Variants in FLII observed in about 807,000 individuals in gnomAD.
The protein encoded by FLII is protein flightless-1 homolog.
FLII carries 101 observed loss-of-function variants against 156.2 expected under a neutral mutation model. That is an observed-to-expected ratio of 0.65 (90% CI 0.55 to 0.76). The LOEUF is 0.76. FLII is among the 30% of genes least tolerant of loss of function. The probability of loss-of-function intolerance (pLI) is 0.00; values close to 1 mark genes in which losing one functional copy is unlikely to be tolerated. For missense variants in FLII, 1,675 were observed against 1,682.8 expected (o/e 1.00, Z 0.08); for synonymous variants, 767 against 685.8 (o/e 1.12, Z -1.85).
intron 15 of FLII, 56 bp downstream of exon 15, chr17:18,249,270 C>T: frequency 3.1e-6 from 5 of 1,610,018 alleles, no homozygotes; most frequent in Non-Finnish European, 2.6e-6. Context: ...ACCCTCCCCT[C>T]CACCCCTTGC....
rs139562009 is a variant in FLII at position 18,248,402 on chromosome 17, C to T, written c.2190+148G>A. ...CTCAAAAGCAGCCTCCAGACCTTTG[C>T]TCATACTGTTCCTTGTCCAGAAGGT... On this transcript the variant is annotated intron_variant, in intron 18 of 29. Coordinates refer to ENST00000327031, the MANE Select transcript of FLII (RefSeq NM_002018.4). 824 of 707,566 alleles carry T rather than the reference C, an allele frequency of 1.2e-3. 1 individual carries two copies. The highest frequency in any genetic ancestry group is 9.6e-3 in the African/African-American group (537 of 55,944). The allele number at this position is 707,566 out of a possible 1,614,324, so 43.8% of individuals were successfully genotyped here.
chr17:18,247,178 C>T lies in FLII; in HGVS notation c.2667G>A (p.Ser889=). 6.4e-7 allele frequency: 1 copy of T among 1,565,942 alleles called. No homozygotes were observed. The highest frequency in any genetic ancestry group is 1.9e-5 in the Admixed American group (1 of 53,748). Residue 889 remains serine (S), a synonymous_variant, in exon 21 of 30, where the codon TCG becomes TCA. Coordinates refer to ENST00000327031, the MANE Select transcript of FLII (RefSeq NM_002018.4). The part of the protein sequence containing the change: ...ALFLPRQPPM[S]LAEAEQLMEE... Reference sequence around the variant, plus strand: ...CCGGCCCTGCCCCCACCTCGGCCAGCGACATGGGCGGCTGCCGCGGCAGGA... The same window carrying T: ...CCGGCCCTGCCCCCACCTCGGCCAGTGACATGGGCGGCTGCCGCGGCAGGA...
intron 28 of FLII, 56 bp downstream of exon 28, chr17:18,245,499 G>C: frequency 6.2e-7 from 1 of 1,611,042 alleles, no homozygotes; most frequent in East Asian, 2.2e-5. Flanking sequence ...ATTCCCATTT[G>C]TAAGTAAGTC....
intron 3 of FLII, 27 bp downstream of exon 3, chr17:18,256,499 C>T: frequency 6.5e-7 from 1 of 1,544,196 alleles, no homozygotes; most frequent in East Asian, 2.4e-5. Flanking sequence ...CAACCCCAAG[C>T]TCGGTGGCCT....
rs574832064 is a variant in FLII, at chr17:18,257,589, G to A, written c.64-570C>T. On this transcript the variant is annotated intron_variant, in intron 1 of 29. Transcript: ENST00000327031. ...TGGCACCAAGTCTGGGGCAGTAGGTGCCTTCAGTGCCTGCGGCTGATATTC... is the reference window on the plus strand; with the variant it reads ...TGGCACCAAGTCTGGGGCAGTAGGTACCTTCAGTGCCTGCGGCTGATATTC... Among the ~76,000 whole-genome samples, 6 of 152,360 alleles carry A rather than the reference G, an allele frequency of 3.9e-5. No individual in the cohort carries two copies. The South Asian group carries it at 1.2e-3, about 32-fold the overall frequency.
At chr17:18,248,498 A>G (rs1364807782) in intron 18 of FLII, 52 bp downstream of exon 18, 2 of 1,533,850 alleles carry the variant, frequency 1.3e-6, no homozygotes, top group Non-Finnish European at 1.8e-6. Context: ...CCATTCCCCC[A>G]GTCGGTGGGT....
chr17:18,245,013 A>G lies in FLII; in HGVS notation c.*125T>C. ...ATCCCCATTGGTGCTGCTTGAGGCT[A>G]CTGGGGACTGTGGCACTGGACGTGG... On this transcript the variant is annotated 3_prime_UTR_variant, in exon 30 of 30. Coordinates refer to ENST00000327031, the MANE Select transcript of FLII (RefSeq NM_002018.4). 9.5e-7 allele frequency: 1 copy of G among 1,049,842 alleles called. No individual in the cohort carries two copies. The highest frequency in any genetic ancestry group is 1.4e-6 in the Non-Finnish European group (1 of 714,240). The allele number at this position is 1,049,842 out of a possible 1,614,324, so 65.0% of individuals were successfully genotyped here. A position where few individuals can be genotyped will look rare whatever the true frequency, so the allele number is the denominator to read the frequency against.
chr17:18,245,308 T>C (rs1225759085), intron 29 of FLII, 36 bp from the exon 30 acceptor site: 2 of 1,613,776 alleles, frequency 1.2e-6, no homozygotes, highest in Non-Finnish European at 1.7e-6. Flanking sequence ...GTGATGACCC[T>C]GCCCTGCCCA....
chr17:18,247,187 C>A lies in FLII; in HGVS notation c.2658G>T (p.Pro886=). ...CCCCCACCTCGGCCAGCGACATGGGCGGCTGCCGCGGCAGGAAAAGCGCAG... is the reference window on the plus strand; with the variant it reads ...CCCCCACCTCGGCCAGCGACATGGGAGGCTGCCGCGGCAGGAAAAGCGCAG... ...DLTALFLPRQ[P]PMSLAEAEQL... is the part of the protein sequence containing the mutation. The change falls in exon 21 of 30, where the codon CCG becomes CCT. Residue 886 remains proline (P), a synonymous_variant. Transcript: ENST00000327031. 1 of 1,481,702 alleles carries A rather than the reference C, an allele frequency of 6.7e-7. No individual in the cohort carries two copies. Among genetic ancestry groups the A allele is most frequent in the Non-Finnish European group, 9.0e-7 (1 of 1,115,174 alleles). The allele number at this position is 1,481,702 out of a possible 1,614,324, so 91.8% of individuals were successfully genotyped here.
In FLII at chr17:18,247,753, G is replaced by A. The variant is rs2048128368; in HGVS notation, c.2391C>T (p.Arg797=). Residue 797 remains arginine (R), a synonymous_variant, in exon 20 of 30, where the codon CGC becomes CGT. Transcript: ENST00000327031. ...WLGRKSPRLV[R]AAALKLGQEL... ...CCTGACCCAGCTTGAGGGCGGCAGC[G>A]CGCACCAGGCGCGGGGACTTGCGGC... The A allele has an allele frequency of 6.2e-7, 1 of 1,607,138 alleles. No individual in the cohort carries two copies. The highest frequency in any genetic ancestry group is 8.5e-7 in the Non-Finnish European group (1 of 1,179,850).
intron 9 of FLII, among the ~76,000 whole-genome samples, chr17:18,252,962 C>G (rs927037066): frequency 6.6e-6 from 1 of 151,874 alleles, no homozygotes; most frequent in South Asian, 2.1e-4. Context: ...ACCAGCCTGG[C>G]CAACATGGTG....
In FLII at chr17:18,251,285, C is replaced by T; in HGVS notation, c.1576G>A (p.Asp526Asn). 1 of 1,613,970 alleles carries T rather than the reference C, an allele frequency of 6.2e-7. No homozygotes were observed. The highest frequency in any genetic ancestry group is 2.2e-5 in the East Asian group (1 of 44,888). ...CTCACCTTGAGCACAATGTAGCAGTCAGCCTCGTAGAACTTGCCGTGGAAG... is the reference window on the plus strand; with the variant it reads ...CTCACCTTGAGCACAATGTAGCAGTTAGCCTCGTAGAACTTGCCGTGGAAG... ...EAFHGKFYEA[D>N]CYIVLKTFLD... The change falls in exon 13 of 30, where the codon GAC (aspartate) becomes AAC (asparagine). Residue 526 changes from aspartate (D) to asparagine (N), a missense_variant. Transcript: ENST00000327031.
Position 18,253,405 on chromosome 17 carries a change from C to G in FLII, c.909G>C (p.Lys303Asn). The G allele has an allele frequency of 6.2e-7, 1 of 1,613,912 alleles. No individual in the cohort carries two copies. Among genetic ancestry groups the G allele is most frequent in the Non-Finnish European group, 8.5e-7 (1 of 1,180,028 alleles). Residue 303 changes from lysine to asparagine, a missense_variant, in exon 9 of 30, where the codon AAG becomes AAC. Physicochemically the swap from Lys to Asn is moderately conservative, Grantham distance 94 (BLOSUM62 0). Coordinates refer to ENST00000327031, the MANE Select transcript of FLII (RefSeq NM_002018.4). ...CTGAGGGCAGCCCGTCAAAGTCCAG[C>G]TTGTTGGAATTCAGGTACAGCTTCT... ...KLKKLYLNSN[K>N]LDFDGLPSGI...
rs751044806 is a variant in FLII at position 18,247,864 on chromosome 17, C to G, written c.2296-16G>C. The G allele has an allele frequency of 1.2e-6, 2 of 1,614,044 alleles. No homozygotes were observed. The highest frequency in any genetic ancestry group is 1.7e-5 in the Admixed American group (1 of 60,008). On this transcript the variant is annotated splice_polypyrimidine_tract_variant and intron_variant, in intron 19 of 29. Coordinates refer to ENST00000327031, the MANE Select transcript of FLII (RefSeq NM_002018.4). ...GACTCTGCAGCTGCGGACCGGGAGT[C>G]TGGAGGTCAAAGCCCAGCCAACGGG...
rs1326593067 is a variant in FLII, at chr17:18,246,994, A to T, written c.2735T>A (p.Leu912Gln). 1 of 1,614,078 alleles carries T rather than the reference A, an allele frequency of 6.2e-7. No individual in the cohort carries two copies. Among genetic ancestry groups the T allele is most frequent in the Admixed American group, 1.7e-5 (1 of 60,020 alleles). Residue 912 changes from leucine (L) to glutamine (Q), a missense_variant, in exon 22 of 30, where the codon CTG (leucine) becomes CAG (glutamine). Around this residue, in one of 2 missense-constraint regions of FLII, gnomAD observed 1,332 missense variants for 1,269.3 expected, o/e 1.05. Transcript: ENST00000327031. ...CAGCCGCGCAAACTTCTTGCCCTCC[A>T]GCACGAAACCCTCCATGCCGTCTAG... ...EDLDGMEGFV[L>Q]EGKKFARLPE...
intron 3 of FLII, among the ~76,000 whole-genome samples, chr17:18,255,679 T>G (rs2048394571): frequency 6.6e-6 from 1 of 152,068 alleles, no homozygotes; most frequent in Non-Finnish European, 1.5e-5. Context: ...TGACACCTCC[T>G]CATACCTTAC....
chr17:18,247,767 G>A lies in FLII; in HGVS notation c.2377C>T (p.Pro793Ser). ...AGGGCGGCAGCGCGCACCAGGCGCG[G>A]GGACTTGCGGCCGAGCCAGATGAAC... Reference protein sequence around the residue: ...DVFIWLGRKSPRLVRAAALKL... With the variant: ...DVFIWLGRKSSRLVRAAALKL... The change falls in exon 20 of 30, where the codon CCG becomes TCG. Residue 793 changes from proline to serine, a missense_variant. This residue lies in a region of FLII where 1,332 missense variants were observed against 1,269.3 expected (regional missense o/e 1.05). Transcript: ENST00000327031. 4 of 1,609,226 alleles carry A rather than the reference G, an allele frequency of 2.5e-6. No individual in the cohort carries two copies. The highest frequency in any genetic ancestry group is 3.4e-6 in the Non-Finnish European group (4 of 1,179,936).
intron 14 of FLII, 35 bp downstream of exon 14, chr17:18,250,803 C>T (rs1194082320): frequency 6.3e-7 from 1 of 1,588,292 alleles, no homozygotes; most frequent in Non-Finnish European, 8.6e-7. Context: ...CTGGGAACCC[C>T]ACTCTGCCCA....
At chr17:18,250,188 T>C (rs2048216952) in intron 14 of FLII, among the ~76,000 whole-genome samples, 1 of 152,132 alleles carries the variant, frequency 6.6e-6, no homozygotes, top group Non-Finnish European at 1.5e-5. Flanking sequence ...ATGAAAAATA[T>C]GGACACGTTC....
Sources: gnomAD v4.1 joint callset for allele counts (sites outside exome capture counted in the v4.1 genomes callset) on GRCh38, gnomAD v4.1.1 for gene constraint, gnomAD v4.1.1 regional missense constraint, MANE v1.5 for transcripts, NCBI Gene and HGNC (gene_info 2026-07-23, HGNC 2026-07-21) for gene names.